Variants in XKR9 observed in about 807,000 individuals in gnomAD.
XKR9 encodes the protein XK related 9.
Under a neutral mutation model 32.0 loss-of-function variants are expected in XKR9, and 32 were observed. The observed-to-expected ratio is 1.00, with a 90% confidence interval of 0.76 to 1.34. The LOEUF (loss-of-function observed/expected upper bound fraction) is 1.34. XKR9 is among the 40% of genes most tolerant of loss of function. The pLI is 0.00. For missense variants in XKR9, 546 were observed against 429.7 expected (o/e 1.27, Z -2.39); for synonymous variants, 168 against 143.4 (o/e 1.17, Z -1.22).
the XKR9 span, among the ~76,000 whole-genome samples, chr8:70,875,182 A>G: frequency 6.6e-6 from 1 of 152,196 alleles, no homozygotes; most frequent in African/African-American, 2.4e-5. Flanking sequence ...ATCCTCGTGT[A>G]CACATTTTCC....
the XKR9 span, among the ~76,000 whole-genome samples, chr8:70,838,939 T>A: frequency 6.6e-6 from 1 of 152,110 alleles, no homozygotes. Flanking sequence ...AATAATTTGA[T>A]GGCAAATCTT....
downstream of XKR9, among the ~76,000 whole-genome samples, chr8:70,740,312 G>T (rs1332935782): frequency 6.6e-6 from 1 of 152,048 alleles, no homozygotes; most frequent in Non-Finnish European, 1.5e-5. Context: ...TTGGTTTTCA[G>T]CTCCATCAGC....
the XKR9 span, among the ~76,000 whole-genome samples, chr8:70,898,572 C>G: frequency 6.6e-6 from 1 of 152,146 alleles, no homozygotes; most frequent in Non-Finnish European, 1.5e-5. Flanking sequence ...GAGACTTCCT[C>G]TTTGACCTAT....
At chr8:71,014,560 T>TAA in the XKR9 span, among the ~76,000 whole-genome samples, 1 of 152,200 alleles carries the variant, frequency 6.6e-6, no homozygotes. Flanking sequence ...CACCTGCCAT[T>TAA]GGATTTAGGG....
chr8:70,900,096 CTG>C, the XKR9 span, among the ~76,000 whole-genome samples: 4 of 150,922 alleles, frequency 2.7e-5, no homozygotes, highest in Admixed American at 6.6e-5. Context: ...GAGTGAAACT[CTG>C]TGTAAAAAAA....
At chr8:70,728,474 A>C (rs1047531145) in intron 4 of XKR9, among the ~76,000 whole-genome samples, 1 of 152,310 alleles carries the variant, frequency 6.6e-6, no homozygotes, top group African/African-American at 2.4e-5. Flanking sequence ...TTATAGTTTT[A>C]GTACAGCATT....
chr8:70,953,698 G>A, the XKR9 span, among the ~76,000 whole-genome samples: 2 of 152,176 alleles, frequency 1.3e-5, no homozygotes, highest in African/African-American at 4.8e-5. Flanking sequence ...CCATCCTGAT[G>A]GGTAACTAGA....
rs190534676 is a variant in XKR9, at chr8:70,740,978, A to T, written n.352+33825A>T. On this transcript the variant is annotated intron_variant and non_coding_transcript_variant, in intron 2 of 3. Coordinates refer to the XKR9 transcript ENST00000520273. Reference sequence around the variant, plus strand: ...GAGATCTCCAGCTGCGGGCTGGGAGAACCACTGCTCTCTTCAAAAGCTGTC... The same window carrying T: ...GAGATCTCCAGCTGCGGGCTGGGAGTACCACTGCTCTCTTCAAAAGCTGTC... Among the ~76,000 whole-genome samples, 38 of 152,324 alleles carry T rather than the reference A, an allele frequency of 2.5e-4. 3 individuals are homozygous for T. In the East Asian group the frequency reaches 4.2e-3, roughly 17 times the overall value.
intron 2 of XKR9, among the ~76,000 whole-genome samples, chr8:70,678,688 G>C (rs549093633): frequency 1.2e-4 from 19 of 152,148 alleles, no homozygotes; most frequent in Non-Finnish European, 2.2e-4. Context: ...TTTTTAAACT[G>C]TTTTTTTCTG....
At chr8:70,710,786 C>G (rs760199492) in intron 4 of XKR9, among the ~76,000 whole-genome samples, 2 of 151,888 alleles carry the variant, frequency 1.3e-5, no homozygotes, top group Non-Finnish European at 2.9e-5. Context: ...ACAGGTGTGA[C>G]TTAATTAAAC....
the XKR9 span, among the ~76,000 whole-genome samples, chr8:70,975,044 GA>G: frequency 1.3e-5 from 2 of 152,198 alleles, no homozygotes; most frequent in African/African-American, 2.4e-5. Context: ...CTTCTTTTGA[GA>G]AGTGTCTGTT....
At chr8:70,758,797 A>C (rs1807265762) in intron 2 of XKR9, among the ~76,000 whole-genome samples, 1 of 152,230 alleles carries the variant, frequency 6.6e-6, no homozygotes, top group African/African-American at 2.4e-5. Context: ...TATTATCATC[A>C]ACAGTGAAGC....
At chr8:70,699,799 C>G (rs1272056160) in intron 3 of XKR9, among the ~76,000 whole-genome samples, 3 of 152,272 alleles carry the variant, frequency 2.0e-5, no homozygotes, top group East Asian at 1.9e-4. Flanking sequence ...GTTCCATTCT[C>G]CCTGTCACTT....
At chr8:70,754,224 T>C (rs1195471819) in intron 2 of XKR9, among the ~76,000 whole-genome samples, 2 of 147,984 alleles carry the variant, frequency 1.4e-5, no homozygotes, top group African/African-American at 4.9e-5. Flanking sequence ...GAAGGATCTC[T>C]TCAAGGAGAG....
At chr8:70,889,099 A>AT in the XKR9 span, among the ~76,000 whole-genome samples, 2 of 151,490 alleles carry the variant, frequency 1.3e-5, no homozygotes, top group African/African-American at 4.8e-5. Context: ...ATTTCTTCTC[A>AT]TTTTTTTGTG....
the XKR9 span, among the ~76,000 whole-genome samples, chr8:71,042,904 A>G: frequency 6.6e-6 from 1 of 152,078 alleles, no homozygotes; most frequent in Non-Finnish European, 1.5e-5. Context: ...GATTAAATAG[A>G]TGTTTTTCCT....
intron 2 of XKR9, among the ~76,000 whole-genome samples, chr8:70,748,904 A>C (rs1807096092): frequency 6.6e-6 from 1 of 152,076 alleles, no homozygotes; most frequent in Non-Finnish European, 1.5e-5. Flanking sequence ...TCTGGGGAGG[A>C]GCTACCTACT....
At chr8:70,833,464 G>A in the XKR9 span, among the ~76,000 whole-genome samples, 2 of 152,000 alleles carry the variant, frequency 1.3e-5, no homozygotes, top group African/African-American at 4.8e-5. Flanking sequence ...AGAAATGAAA[G>A]GTAAAGTATA....
At chr8:70,898,131 G>A in the XKR9 span, among the ~76,000 whole-genome samples, 1 of 152,072 alleles carries the variant, frequency 6.6e-6, no homozygotes, top group Admixed American at 6.6e-5. Context: ...TTTACATATG[G>A]ATATCCAGTT....
Sources: gnomAD v4.1 joint callset for allele counts (sites outside exome capture counted in the v4.1 genomes callset) on GRCh38, gnomAD v4.1.1 for gene constraint, MANE v1.5 for transcripts, NCBI Gene and HGNC (gene_info 2026-07-23, HGNC 2026-07-21) for gene names.